The following AGBL4 variants were observed in gnomAD, a reference collection of about 807,000 sequenced individuals.
The protein encoded by AGBL4 is AGBL carboxypeptidase 4.
In AGBL4, 58 loss-of-function variants were observed where a neutral mutation model predicts 66.4. That is an observed-to-expected ratio of 0.87 (90% CI 0.71 to 1.09). The LOEUF (loss-of-function observed/expected upper bound fraction) is 1.09. AGBL4 is among the 50% of genes least tolerant of loss of function. The pLI, the probability that AGBL4 is intolerant of heterozygous loss-of-function variation, is 0.00. For missense variants in AGBL4, 579 were observed against 631.0 expected (o/e 0.92, Z 0.88); for synonymous variants, 234 against 222.9 (o/e 1.05, Z -0.44).
chr1:49,040,326 G>A lies in AGBL4; in HGVS notation c.594+5258C>T, dbSNP rs1643905655. Among the ~76,000 whole-genome samples, 4 of 152,020 alleles carry A rather than the reference G, an allele frequency of 2.6e-5. No individual in the cohort carries two copies. In the South Asian group the frequency reaches 8.3e-4, roughly 32 times the overall value. ...AAATTACAGATAATTCTAAGTGTTG[G>A]CTAGCATCTGGGAAAACTGTAACCC... On this transcript the variant is annotated intron_variant, in intron 5 of 13. Coordinates refer to ENST00000371839, the MANE Select transcript of AGBL4 (RefSeq NM_032785.4).
intron 6 of AGBL4, among the ~76,000 whole-genome samples, chr1:48,741,294 A>G (rs146294996): frequency 4.6e-4 from 70 of 152,356 alleles, no homozygotes; most frequent in African/African-American, 1.5e-3. Flanking sequence ...GAGAGCATCA[A>G]TCCAATCCCA....
chr1:49,313,489 C>T (rs552835230), intron 3 of AGBL4, among the ~76,000 whole-genome samples: 1 of 152,108 alleles, frequency 6.6e-6, no homozygotes, highest in East Asian at 1.9e-4. Context: ...ACACTCCCAC[C>T]AACATTGTAA....
chr1:48,710,987 T>A (rs978733716), intron 6 of AGBL4, among the ~76,000 whole-genome samples: 2 of 152,126 alleles, frequency 1.3e-5, no homozygotes, highest in African/African-American at 4.8e-5. Context: ...GATTTCTCCA[T>A]CTCTCCTCTT....
chr1:49,654,475 T>A (rs933653972), intron 3 of AGBL4, among the ~76,000 whole-genome samples: 1 of 152,184 alleles, frequency 6.6e-6, no homozygotes, highest in Non-Finnish European at 1.5e-5. Context: ...TTCCTGGATA[T>A]CCTTGTTAGC....
rs1159531591 is a variant in AGBL4 at position 48,671,059 on chromosome 1, C to T, written c.635-7818G>A. ...TCAATAGGATACTGGATATGGCCTGCCATCAGGGAAGGTGTAACCCCAGTC... is the reference window on the plus strand; with the variant it reads ...TCAATAGGATACTGGATATGGCCTGTCATCAGGGAAGGTGTAACCCCAGTC... On this transcript the variant is annotated intron_variant, in intron 6 of 13. Coordinates refer to ENST00000371839, the MANE Select transcript of AGBL4 (RefSeq NM_032785.4). 7.9e-5 allele frequency among the ~76,000 whole-genome samples: 12 copies of T among 152,326 alleles called. No individual in the cohort carries two copies. In the South Asian group the frequency reaches 2.5e-3, roughly 32 times the overall value.
chr1:48,904,568 C>T (rs1452405688), intron 5 of AGBL4, among the ~76,000 whole-genome samples: 4 of 152,172 alleles, frequency 2.6e-5, no homozygotes, highest in African/African-American at 7.2e-5. Flanking sequence ...TATTCAAATA[C>T]GAGCTCAACA....
chr1:49,203,858 T>C (rs558003933), intron 4 of AGBL4, among the ~76,000 whole-genome samples: 17 of 152,176 alleles, frequency 1.1e-4, no homozygotes, highest in Admixed American at 5.9e-4. Flanking sequence ...GTTAGAGATA[T>C]GTTGTACAAC....
chr1:48,606,743 G>A (rs1645159480), intron 9 of AGBL4, among the ~76,000 whole-genome samples: 1 of 152,118 alleles, frequency 6.6e-6, no homozygotes, highest in Admixed American at 6.6e-5. Context: ...CTCCCAGCTG[G>A]CCTCTCTGTT....
At chr1:49,166,045 T>C (rs1038915666) in intron 4 of AGBL4, among the ~76,000 whole-genome samples, 9 of 152,114 alleles carry the variant, frequency 5.9e-5, no homozygotes, top group African/African-American at 1.2e-4. Flanking sequence ...GGCATTCTAA[T>C]TGACTGCATC....
intron 6 of AGBL4, among the ~76,000 whole-genome samples, chr1:48,738,600 G>A (rs989892837): frequency 6.6e-6 from 1 of 152,172 alleles, no homozygotes; most frequent in Non-Finnish European, 1.5e-5. Flanking sequence ...CCTGAGATAG[G>A]AGAAAAACAA....
chr1:49,094,839 C>G (rs1159635820), intron 4 of AGBL4, among the ~76,000 whole-genome samples: 1 of 152,008 alleles, frequency 6.6e-6, no homozygotes, highest in Non-Finnish European at 1.5e-5. Flanking sequence ...CTGGCCAGGG[C>G]AATCAGGCAG....
intron 2 of AGBL4, among the ~76,000 whole-genome samples, chr1:49,731,861 T>C (rs1463045885): frequency 1.3e-5 from 2 of 152,116 alleles, no homozygotes; most frequent in African/African-American, 4.8e-5. Flanking sequence ...AAAAGAATAG[T>C]TTCTTAAAGG....
intron 2 of AGBL4, among the ~76,000 whole-genome samples, chr1:49,773,043 T>C (rs1644105737): frequency 6.6e-6 from 1 of 152,184 alleles, no homozygotes; most frequent in Non-Finnish European, 1.5e-5. Context: ...TAATCATTCT[T>C]TTTTATCCTC....
chr1:49,933,798 G>C (rs569059788), intron 1 of AGBL4, among the ~76,000 whole-genome samples: 19 of 151,916 alleles, frequency 1.3e-4, no homozygotes, highest in Non-Finnish European at 2.4e-4. Flanking sequence ...AAAAGAGAAA[G>C]GAGTAAAAAA....
intron 3 of AGBL4, among the ~76,000 whole-genome samples, chr1:49,368,240 T>C (rs939572106): frequency 2.0e-5 from 3 of 152,174 alleles, no homozygotes; most frequent in Non-Finnish European, 2.9e-5. Context: ...AGATTTTGTT[T>C]GAAAACCAGC....
chr1:48,955,951 C>A (rs545371281), intron 5 of AGBL4, among the ~76,000 whole-genome samples: 1 of 152,330 alleles, frequency 6.6e-6, no homozygotes, highest in East Asian at 1.9e-4. Context: ...ATTATTATTA[C>A]CTTGCTAGAC....
chr1:48,544,756 G>A (rs1002841936), intron 11 of AGBL4, among the ~76,000 whole-genome samples: 10 of 152,238 alleles, frequency 6.6e-5, no homozygotes, highest in African/African-American at 2.4e-4. Context: ...AAAGAGAAGA[G>A]AGAGATTCCC....
intron 1 of AGBL4, among the ~76,000 whole-genome samples, chr1:49,890,454 C>T (rs1195309430): frequency 6.6e-6 from 1 of 151,852 alleles, no homozygotes; most frequent in Non-Finnish European, 1.5e-5. Context: ...TTTGTTACGA[C>T]ATGGAGGAGA....
At chr1:49,082,048 G>T (rs1644818308) in intron 4 of AGBL4, among the ~76,000 whole-genome samples, 1 of 152,160 alleles carries the variant, frequency 6.6e-6, no homozygotes, top group Non-Finnish European at 1.5e-5. Context: ...GGCCACCAAA[G>T]CAGATGCCAA....
Sources: allele counts gnomAD v4.1 joint callset (sites outside exome capture counted in the v4.1 genomes callset), GRCh38; gene constraint gnomAD v4.1.1; transcripts MANE v1.5; gene names NCBI Gene and HGNC (gene_info 2026-07-23, HGNC 2026-07-21).